The following CDH4 variants were observed in gnomAD, a reference collection of about 807,000 sequenced individuals.
The protein encoded by CDH4 is cadherin-4.
CDH4 carries 33 observed loss-of-function variants against 86.0 expected under a neutral mutation model. The ratio of observed to expected loss-of-function variants is 0.38; its 90% CI spans 0.29 to 0.51. The LOEUF is 0.51. Among genes scored for constraint, CDH4 ranks in the 20% least tolerant of loss-of-function variants. The pLI is 0.86. For synonymous variants in CDH4, 555 were observed against 549.4 expected, an observed-to-expected ratio of 1.01 and a Z score of -0.14; for missense variants, 1,114 against 1,307.4, an observed-to-expected ratio of 0.85 and a Z score of 2.28.
intron 2 of CDH4, among the ~76,000 whole-genome samples, chr20:61,360,680 C>G (rs540164176): frequency 6.6e-6 from 1 of 152,170 alleles, no homozygotes; most frequent in Non-Finnish European, 1.5e-5. Context: ...ATGTTCCTTA[C>G]GGTTCCACTC....
Position 61,922,294 on chromosome 20 carries a change from A to G in CDH4, c.1375-1157A>G, listed in dbSNP as rs75913804. 6.1e-3 allele frequency among the ~76,000 whole-genome samples: 936 copies of G among 152,310 alleles called. 29 individuals carry two copies. The highest frequency in any genetic ancestry group is 0.041 in the Admixed American group (620 of 15,294). The stretch of plus-strand genomic sequence containing the variant: ...TTGCCATTGAACGTCTCAGGGCCCC[A>G]AGCTTTTTCCATGTAACTTCCCTCC... On this transcript the variant is annotated intron_variant, in intron 9 of 15. Transcript: ENST00000614565.
At chr20:61,537,035 G>A (rs2086002454) in intron 2 of CDH4, among the ~76,000 whole-genome samples, 2 of 152,208 alleles carry the variant, frequency 1.3e-5, no homozygotes, top group African/African-American at 4.8e-5. Flanking sequence ...AGCACCCCCA[G>A]AAACCACTTG....
intron 2 of CDH4, among the ~76,000 whole-genome samples, chr20:61,646,647 G>C (rs1251450346): frequency 1.3e-5 from 2 of 152,240 alleles, no homozygotes; most frequent in Non-Finnish European, 2.9e-5. Context: ...TCTCACTCCT[G>C]CAGGCAGGTG....
chr20:61,316,317 G>C (rs896728506), intron 2 of CDH4, among the ~76,000 whole-genome samples: 2 of 152,264 alleles, frequency 1.3e-5, no homozygotes, highest in Non-Finnish European at 2.9e-5. Flanking sequence ...CATCGGAGAT[G>C]GAAAAGGCAC....
At chr20:61,745,658 G>A (rs1229610739) in intron 3 of CDH4, among the ~76,000 whole-genome samples, 1 of 152,048 alleles carries the variant, frequency 6.6e-6, no homozygotes, top group Non-Finnish European at 1.5e-5. Context: ...ACGCCCTGGT[G>A]AGCAAGGCAG....
chr20:61,462,839 C>G (rs2085451382), intron 2 of CDH4, among the ~76,000 whole-genome samples: 1 of 152,184 alleles, frequency 6.6e-6, no homozygotes, highest in Non-Finnish European at 1.5e-5. Context: ...GGGAGGTGGA[C>G]AGTCAGCAGC....
chr20:61,652,941 T>TTTATTTTTTTTTTTTA (rs2087139611), intron 2 of CDH4, among the ~76,000 whole-genome samples: 1 of 115,966 alleles, frequency 8.6e-6, no homozygotes, highest in Non-Finnish European at 2.0e-5. Context: ...TTTATTTATT[T>TTTATTTTTTTTTTTTA]TTTTTTTTTT....
chr20:61,749,242 T>C (rs955704822), intron 3 of CDH4, among the ~76,000 whole-genome samples: 2 of 152,034 alleles, frequency 1.3e-5, no homozygotes, highest in East Asian at 3.8e-4. Flanking sequence ...TTGATAGAAA[T>C]AAAAGGAGAA....
chr20:61,919,124 G>C (rs1218580555), intron 9 of CDH4, among the ~76,000 whole-genome samples: 1 of 152,220 alleles, frequency 6.6e-6, no homozygotes, highest in East Asian at 1.9e-4. Context: ...TCCTGCCTCA[G>C]CTTTTCAAAG....
intron 7 of CDH4, among the ~76,000 whole-genome samples, chr20:61,889,807 T>A (rs986172518): frequency 1.4e-5 from 2 of 147,246 alleles, no homozygotes; most frequent in African/African-American, 5.1e-5. Context: ...GGATGGTGGA[T>A]GATGGATGGG....
At chr20:61,262,093 C>T (rs533819043) in intron 2 of CDH4, among the ~76,000 whole-genome samples, 2 of 152,300 alleles carry the variant, frequency 1.3e-5, no homozygotes, top group African/African-American at 2.4e-5. Flanking sequence ...GGTTTATGCA[C>T]GGATCCATTG....
At chr20:61,887,957 G>A (rs1051567945) in intron 7 of CDH4, among the ~76,000 whole-genome samples, 5 of 152,200 alleles carry the variant, frequency 3.3e-5, no homozygotes, top group Admixed American at 1.3e-4. Context: ...GGGACATCAC[G>A]CCCAGGAAAG....
At chr20:61,920,877 G>T (rs1208200223) in intron 9 of CDH4, among the ~76,000 whole-genome samples, 5 of 150,950 alleles carry the variant, frequency 3.3e-5, no homozygotes, top group African/African-American at 1.2e-4. Flanking sequence ...TAATTGCATG[G>T]AAGTGTGGTG....
chr20:61,914,319 C>T (rs1199040857), intron 9 of CDH4, among the ~76,000 whole-genome samples: 2 of 152,232 alleles, frequency 1.3e-5, no homozygotes, highest in Non-Finnish European at 2.9e-5. Flanking sequence ...TAAGCAGAGC[C>T]TCGCAAGGAT....
chr20:61,872,718 C>T (rs1983860318), intron 6 of CDH4, among the ~76,000 whole-genome samples: 1 of 152,250 alleles, frequency 6.6e-6, no homozygotes, highest in African/African-American at 2.4e-5. Flanking sequence ...AGGGCAGGAA[C>T]ACCGGAAGGT....
intron 2 of CDH4, among the ~76,000 whole-genome samples, chr20:61,741,644 A>G (rs1442690563): frequency 6.6e-6 from 1 of 152,048 alleles, no homozygotes; most frequent in African/African-American, 2.4e-5. Flanking sequence ...GGCACCCGCC[A>G]CCACGCCCGG....
rs571431093 is a variant in CDH4 at position 61,734,807 on chromosome 20, C to T, written c.170-8756C>T. 8.5e-5 allele frequency among the ~76,000 whole-genome samples: 13 copies of T among 152,332 alleles called. No individual in the cohort carries two copies. In the South Asian group the frequency reaches 2.1e-3, roughly 24 times the overall value. ...CAGTTTTCTCCGTCCCCACCCAGCA[C>T]GTGGACACAGCGCACACAAAGCGCG... On this transcript the variant is annotated intron_variant, in intron 2 of 15. Transcript: ENST00000614565.
At chr20:61,321,947 T>C (rs1028162127) in intron 2 of CDH4, among the ~76,000 whole-genome samples, 2 of 151,294 alleles carry the variant, frequency 1.3e-5, no homozygotes, top group East Asian at 1.9e-4. Context: ...ATAAATATTA[T>C]ATAATAATAT....
chr20:61,443,752 T>C (rs986603019), intron 2 of CDH4, among the ~76,000 whole-genome samples: 2 of 152,138 alleles, frequency 1.3e-5, no homozygotes, highest in Middle Eastern at 3.2e-3. Context: ...GACCGGGTCT[T>C]GCTTGGCTCT....
Sources: allele counts gnomAD v4.1 joint callset (sites outside exome capture counted in the v4.1 genomes callset), GRCh38; gene constraint gnomAD v4.1.1; transcripts MANE v1.5; gene names NCBI Gene and HGNC (gene_info 2026-07-23, HGNC 2026-07-21).